ZNF397: variants seen among roughly 807,000 people sequenced by gnomAD.
The protein encoded by ZNF397 is zinc finger protein 397, also known as zinc finger and SCAN domain-containing protein 15.
In ZNF397, 38 loss-of-function variants were observed where a neutral mutation model predicts 50.6. That is an observed-to-expected ratio of 0.75 (90% CI 0.58 to 0.98). The LOEUF (loss-of-function observed/expected upper bound fraction) is 0.98, where lower values mean the gene tolerates loss of function less well. Among genes scored for constraint, ZNF397 ranks in the 50% least tolerant of loss-of-function variants. The pLI is 0.00. For synonymous variants in ZNF397, 228 were observed against 215.2 expected (o/e 1.06, Z -0.52); for missense variants, 624 against 624.1 (o/e 1.00, Z 0.00).
At chr18:35,253,520 C>G (rs1467740666), downstream of ZNF397, 2 of 1,612,656 alleles carry the variant, frequency 1.2e-6, no homozygotes, top group Admixed American at 3.3e-5. Context: ...TCTACATTCA[C>G]TACATTCATA....
rs2043483391 is a variant in ZNF397 at position 35,246,410 on chromosome 18, A to G, written c.*100A>G. On this transcript the variant is annotated 3_prime_UTR_variant, in exon 4 of 4. Coordinates refer to ENST00000330501, the MANE Select transcript of ZNF397 (RefSeq NM_001135178.3). ...AGCAAAACTCCATAAAGGTTATAAA[A>G]TACTAGGTCTTGAGTCTAGCTTGCT... The G allele has an allele frequency of 6.9e-7, 1 of 1,457,068 alleles. No homozygotes were observed. Among genetic ancestry groups the G allele is most frequent in the Admixed American group, 2.9e-5 (1 of 34,830 alleles). The allele number at this position is 1,457,068 out of a possible 1,614,324, so 90.3% of individuals were successfully genotyped here.
exon 6 of ZNF397, chr18:35,258,150 T>G (rs1199108554): frequency 1.6e-6 from 1 of 613,174 alleles, no homozygotes; most frequent in Non-Finnish European, 2.9e-6. Flanking sequence ...AGGATCCACA[T>G]TAATTCTTCA....
chr18:35,254,438 G>C, downstream of ZNF397: 1 of 1,612,200 alleles, frequency 6.2e-7, no homozygotes, highest in Non-Finnish European at 8.5e-7. Context: ...AGAAGAAACT[G>C]TTGTAGCAGG....
At chr18:35,255,187 CA>C (rs2143656792) in intron 5 of ZNF397, among the ~76,000 whole-genome samples, 1 of 151,340 alleles carries the variant, frequency 6.6e-6, no homozygotes, top group East Asian at 2.0e-4. Context: ...CTGGCTCTCA[CA>C]AAACATGCCC....
chr18:35,242,531 CTAA>C lies in ZNF397; in HGVS notation c.64_66del (p.Ile22del), dbSNP rs1912591041. The C allele has an allele frequency of 6.2e-7, 1 of 1,614,056 alleles. No homozygotes were observed. The highest frequency in any genetic ancestry group is 8.5e-7 in the Non-Finnish European group (1 of 1,180,038). On this transcript the variant is annotated inframe_deletion, in exon 2 of 4. Coordinates refer to ENST00000330501, the MANE Select transcript of ZNF397 (RefSeq NM_001135178.3). ...ACCTCAGGATCCTCCGGAACAAGAA[CTAA>C]TACTAGTGAAAGTAGAAGATAACTT...
In ZNF397 at chr18:35,247,018, G is replaced by A; in HGVS notation, c.*708G>A. 1 of 922,092 alleles carries A rather than the reference G, an allele frequency of 1.1e-6. No homozygotes were observed. The highest frequency in any genetic ancestry group is 1.3e-6 in the Non-Finnish European group (1 of 772,356). The allele number at this position is 922,092 out of a possible 1,614,324, so 57.1% of individuals were successfully genotyped here. A position where few individuals can be genotyped will look rare whatever the true frequency, so the allele number is the denominator to read the frequency against. The stretch of plus-strand genomic sequence containing the variant: ...GACTCAGCCTTGGATAAGGAAATGG[G>A]GGAAATGGCCTGAAGGATGAGGAGG... On this transcript the variant is annotated 3_prime_UTR_variant, in exon 4 of 4. Transcript: ENST00000330501.
chr18:35,242,823 G>T lies in ZNF397; in HGVS notation c.353G>T (p.Gly118Val), dbSNP rs1598578582. ...IWVQQHNPES[G>V]EEAVTLLEDL... ...GTTCAGCAACATAATCCAGAAAGCG[G>T]CGAGGAAGCTGTGACCCTGTTGGAG... Residue 118 changes from glycine to valine, a missense_variant, in exon 2 of 4, where the codon GGC becomes GTC. Physicochemically the swap from Gly to Val is moderately radical, Grantham distance 109 (BLOSUM62 -3). Coordinates refer to ENST00000330501, the MANE Select transcript of ZNF397 (RefSeq NM_001135178.3). 1 of 1,614,096 alleles carries T rather than the reference G, an allele frequency of 6.2e-7. No individual in the cohort carries two copies. The highest frequency in any genetic ancestry group is 8.5e-7 in the Non-Finnish European group (1 of 1,179,988).
chr18:35,253,848 C>G, downstream of ZNF397: 1 of 1,614,202 alleles, frequency 6.2e-7, no homozygotes, highest in Non-Finnish European at 8.5e-7. Flanking sequence ...AAGGCTTTTC[C>G]ACATTCACAA....
In ZNF397 at chr18:35,242,380, A is replaced by G. The variant is rs1912571418; in HGVS notation, c.-80-11A>G. On this transcript the variant is annotated splice_polypyrimidine_tract_variant and intron_variant, in intron 1 of 3. Coordinates refer to ENST00000330501, the MANE Select transcript of ZNF397 (RefSeq NM_001135178.3). ...TGATTGCTGTAAGTTAACTGCTTTT[A>G]TATCCTTCAGGAAAGAAGAGATTAC... The G allele has an allele frequency of 4.5e-6, 6 of 1,318,762 alleles. No homozygotes were observed. The highest frequency in any genetic ancestry group is 4.4e-5 in the South Asian group (3 of 67,744). The allele number at this position is 1,318,762 out of a possible 1,614,324, so 81.7% of individuals were successfully genotyped here.
At chr18:35,257,812 T>C (rs2043889972) in intron 5 of ZNF397, 1 of 769,746 alleles carries the variant, frequency 1.3e-6, no homozygotes, top group Non-Finnish European at 2.4e-6. Context: ...AGTGCAATTA[T>C]GCTTCAGCGG....
chr18:35,245,789 A>G lies in ZNF397; in HGVS notation c.1084A>G (p.Ile362Val). 6.4e-7 allele frequency: 1 copy of G among 1,552,184 alleles called. No homozygotes were observed. The highest frequency in any genetic ancestry group is 8.7e-7 in the Non-Finnish European group (1 of 1,147,166). The change falls in exon 4 of 4, where the codon ATC (isoleucine) becomes GTC (valine). Residue 362 changes from isoleucine to valine, a missense_variant. Physicochemically the swap from Ile to Val is conservative, Grantham distance 29. Transcript: ENST00000330501. ...CTCAGCCCTCATTAGACATCGGAAA[A>G]TCCATACTGGTGAGAAAGCTTGTAA... is the stretch of plus-strand genomic sequence containing the variant. ...QSSALIRHRK[I>V]HTGEKACKCN...
chr18:35,244,252 G>A (rs972063252), intron 3 of ZNF397, among the ~76,000 whole-genome samples: 11 of 152,154 alleles, frequency 7.2e-5, no homozygotes, highest in Non-Finnish European at 1.5e-4. Context: ...TGATACTGAG[G>A]TTTCAGTCTT....
chr18:35,256,778 G>A (rs920378802), intron 5 of ZNF397, among the ~76,000 whole-genome samples: 4 of 141,976 alleles, frequency 2.8e-5, no homozygotes, highest in Non-Finnish European at 4.5e-5. Flanking sequence ...TGTTGTTGTT[G>A]TTTGTTTGTT....
rs904580412 is a variant in ZNF397, at chr18:35,249,387, C to T, written c.*3077C>T. 6.6e-6 allele frequency: 1 copy of T among 152,382 alleles called. No individual in the cohort carries two copies. 9.4% of individuals were successfully genotyped at this position (152,382 alleles called of 1,614,324 possible). On this transcript the variant is annotated 3_prime_UTR_variant, in exon 4 of 4. Transcript: ENST00000330501. ...ATGTCACAGGCCAGGCACAGTGGCT[C>T]ATGCCTGTAATCCCAGCACTTTGGG...
rs2043541697 is a variant in ZNF397 at position 35,249,654 on chromosome 18, A to C, written c.*3344A>C. 1 of 66,222 alleles carries C rather than the reference A, an allele frequency of 1.5e-5. No homozygotes were observed. Among genetic ancestry groups the C allele is most frequent in the Non-Finnish European group, 2.7e-5 (1 of 36,434 alleles). 4.1% of individuals were successfully genotyped at this position (66,222 alleles called of 1,614,324 possible). A position where few individuals can be genotyped will look rare whatever the true frequency, so the allele number is the denominator to read the frequency against. The stretch of plus-strand genomic sequence containing the variant: ...GGTGACAGAGTGAGACTGTGTCTCA[A>C]AAAAAAAAAAAAAAAAAAAAAAAAC... On this transcript the variant is annotated 3_prime_UTR_variant, in exon 4 of 4. Coordinates refer to ENST00000330501, the MANE Select transcript of ZNF397 (RefSeq NM_001135178.3).
downstream of ZNF397, among the ~76,000 whole-genome samples, chr18:35,250,821 T>C (rs544279005): frequency 2.6e-5 from 4 of 152,312 alleles, no homozygotes; most frequent in Admixed American, 1.3e-4. Flanking sequence ...AGAGGCTCCT[T>C]CTTGCTCTCA....
intron 5 of ZNF397, chr18:35,255,096 TA>T (rs2043753017): frequency 6.6e-6 from 1 of 151,918 alleles, no homozygotes; most frequent in Non-Finnish European, 1.5e-5. Context: ...TTAAAATGTA[TA>T]AGTATCAAAG....
chr18:35,246,784 G>T lies in ZNF397; in HGVS notation c.*474G>T. On this transcript the variant is annotated 3_prime_UTR_variant, in exon 4 of 4. Transcript: ENST00000330501. ...AAGGTGGGGAAATGGCTTCATCAAT[G>T]ATTTGTTGAGCCCAGGGCAGGCCAG... 1 of 986,962 alleles carries T rather than the reference G, an allele frequency of 1.0e-6. No individual in the cohort carries two copies. The highest frequency in any genetic ancestry group is 1.2e-6 in the Non-Finnish European group (1 of 831,330). 61.1% of individuals were successfully genotyped at this position (986,962 alleles called of 1,614,324 possible).
Position 35,249,351 on chromosome 18 carries a change from T to A in ZNF397, c.*3041T>A, listed in dbSNP as rs2043533278. 1.3e-5 allele frequency: 2 copies of A among 152,086 alleles called. No individual in the cohort carries two copies. The highest frequency in any genetic ancestry group is 4.8e-5 in the African/African-American group (2 of 41,426). The allele number at this position is 152,086 out of a possible 1,614,324, so 9.4% of individuals were successfully genotyped here. A position where few individuals can be genotyped will look rare whatever the true frequency, so the allele number is the denominator to read the frequency against. On this transcript the variant is annotated 3_prime_UTR_variant, in exon 4 of 4. Transcript: ENST00000330501. ...ATGAATGTACACAAAATCCTGAAAC[T>A]CTTAAAACTGATGTCACAGGCCAGG...
Sources: gnomAD v4.1 joint callset for allele counts (sites outside exome capture counted in the v4.1 genomes callset) on GRCh38, gnomAD v4.1.1 for gene constraint, MANE v1.5 for transcripts, NCBI Gene and HGNC (gene_info 2026-07-23, HGNC 2026-07-21) for gene names.